CNTN3: variants seen among roughly 807,000 people sequenced by gnomAD.
CNTN3 encodes contactin 3, also known as contactin-3.
CNTN3 carries 60 observed loss-of-function variants against 119.1 expected under a neutral mutation model. The observed-to-expected ratio is 0.50, with a 90% CI of 0.41 to 0.62. The LOEUF (loss-of-function observed/expected upper bound fraction) is 0.62. Ranked by LOEUF, CNTN3 falls within the 20% of genes least tolerant of loss-of-function variation. CNTN3 has a pLI of 0.00. For synonymous variants in CNTN3, 450 were observed against 438.7 expected (o/e 1.03, Z -0.32); for missense variants, 1,101 against 1,242.4 (o/e 0.89, Z 1.71).
intron 2 of CNTN3, among the ~76,000 whole-genome samples, chr3:74,520,567 C>A (rs978803729): frequency 4.0e-5 from 6 of 150,106 alleles, no homozygotes; most frequent in African/African-American, 1.2e-4. Context: ...TTCATTTTTT[C>A]TTTCTACTTT....
chr3:74,461,072 C>T (rs1702358762), intron 4 of CNTN3, among the ~76,000 whole-genome samples: 1 of 151,640 alleles, frequency 6.6e-6, no homozygotes, highest in South Asian at 2.1e-4. Flanking sequence ...TGAATTTTAT[C>T]AAAGGCTTTT....
At chr3:74,508,776 C>A (rs942613646) in intron 2 of CNTN3, among the ~76,000 whole-genome samples, 2 of 152,124 alleles carry the variant, frequency 1.3e-5, no homozygotes, top group East Asian at 1.9e-4. Flanking sequence ...GGGTTCTTAT[C>A]CCCAATTTGA....
chr3:74,306,844 G>A (rs570200965), intron 13 of CNTN3, among the ~76,000 whole-genome samples: 1 of 152,242 alleles, frequency 6.6e-6, no homozygotes, highest in Non-Finnish European at 1.5e-5. Context: ...TACTTTAGTT[G>A]CTGGGAATAC....
intron 5 of CNTN3, among the ~76,000 whole-genome samples, chr3:74,421,769 C>T (rs1701619666): frequency 6.6e-6 from 1 of 152,146 alleles, no homozygotes; most frequent in Non-Finnish European, 1.5e-5. Flanking sequence ...TCTGATTAAT[C>T]CTTCATCAGT....
intron 4 of CNTN3, among the ~76,000 whole-genome samples, chr3:74,459,044 GA>G (rs1159084505): frequency 1.3e-5 from 2 of 152,126 alleles, no homozygotes; most frequent in East Asian, 3.9e-4. Context: ...TGCTTCATGT[GA>G]AGTTTGGCTG....
chr3:74,405,360 A>C (rs1705298693), intron 5 of CNTN3, among the ~76,000 whole-genome samples: 1 of 152,128 alleles, frequency 6.6e-6, no homozygotes, highest in African/African-American at 2.4e-5. Context: ...TACATGGATC[A>C]ATTTTTTGAT....
At chr3:74,493,685 A>C (rs1703007928) in intron 3 of CNTN3, among the ~76,000 whole-genome samples, 1 of 152,172 alleles carries the variant, frequency 6.6e-6, no homozygotes, top group South Asian at 2.1e-4. Flanking sequence ...GTTAATAAGC[A>C]AATGTGTCTG....
intron 1 of CNTN3, among the ~76,000 whole-genome samples, chr3:74,597,658 T>G (rs1704835420): frequency 6.6e-6 from 1 of 152,206 alleles, no homozygotes; most frequent in South Asian, 2.1e-4. Context: ...ATGGAAATTT[T>G]AAAGCCAATC....
At chr3:74,549,695 G>T (rs1172941632) in intron 1 of CNTN3, among the ~76,000 whole-genome samples, 2 of 152,126 alleles carry the variant, frequency 1.3e-5, no homozygotes, top group East Asian at 1.9e-4. Context: ...GGGACACAAA[G>T]GTTGCCAGTG....
chr3:74,486,433 TA>T, intron 4 of CNTN3, 22 bp downstream of exon 4: 1 of 1,560,632 alleles, frequency 6.4e-7, no homozygotes, highest in Non-Finnish European at 8.6e-7. Flanking sequence ...TTGGATTTGC[TA>T]GACATGTGAA....
rs577304558 is a variant in CNTN3, at chr3:74,613,218, T to C, written c.-81+1173A>G. On this transcript the variant is annotated intron_variant, in intron 1 of 22. Coordinates refer to ENST00000263665, the MANE Select transcript of CNTN3 (RefSeq NM_020872.3). Reference sequence around the variant, plus strand: ...CAGGATTCTTTTTCAGCTAGTGTGATATTCATCTCTGTGGGGGTAGACAGA... The same window carrying C: ...CAGGATTCTTTTTCAGCTAGTGTGACATTCATCTCTGTGGGGGTAGACAGA... Among the ~76,000 whole-genome samples the C allele has an allele frequency of 1.8e-4, 27 of 152,262 alleles. No individual in the cohort carries two copies. The South Asian group carries it at 4.4e-3, about 25-fold the overall frequency.
At chr3:74,553,775 T>C (rs965317010) in intron 1 of CNTN3, among the ~76,000 whole-genome samples, 5 of 152,230 alleles carry the variant, frequency 3.3e-5, no homozygotes, top group African/African-American at 1.2e-4. Context: ...TTGGTTTTTT[T>C]CTTGTAAATT....
intron 4 of CNTN3, among the ~76,000 whole-genome samples, chr3:74,451,084 G>A (rs1311977277): frequency 2.0e-5 from 3 of 151,970 alleles, no homozygotes; most frequent in Non-Finnish European, 2.9e-5. Context: ...CTGAGGAATC[G>A]CCACACTGAC....
chr3:74,583,125 T>A (rs909949340), intron 1 of CNTN3, among the ~76,000 whole-genome samples: 1 of 152,052 alleles, frequency 6.6e-6, no homozygotes, highest in Non-Finnish European at 1.5e-5. Context: ...CGGCTGTCAG[T>A]AGTTGTTTGG....
At chr3:74,317,157 A>T in intron 13 of CNTN3, among the ~76,000 whole-genome samples, 2 of 135,154 alleles carry the variant, frequency 1.5e-5, no homozygotes, top group African/African-American at 2.7e-5. Flanking sequence ...TAGGATTGCA[A>T]CCCCTGCCTT....
rs988247780 is a variant in CNTN3, at chr3:74,614,582, C to T, written c.-272G>A. 6.7e-6 allele frequency among the ~76,000 whole-genome samples: 1 copy of T among 148,706 alleles called. No homozygotes were observed. ...CGGTTCCCGGCCCAGTCCACGGCGC[C>T]AGCCCGCCCGCCGCTGCCACCGCCG... is the stretch of plus-strand genomic sequence containing the variant. On this transcript the variant is annotated 5_prime_UTR_variant, in exon 1 of 23. Coordinates refer to ENST00000263665, the MANE Select transcript of CNTN3 (RefSeq NM_020872.3).
chr3:74,494,152 C>T (rs1003049987), intron 3 of CNTN3, among the ~76,000 whole-genome samples: 1 of 152,024 alleles, frequency 6.6e-6, no homozygotes, highest in African/African-American at 2.4e-5. Context: ...AGCAGCCCTC[C>T]TCATACGAAC....
intron 1 of CNTN3, among the ~76,000 whole-genome samples, chr3:74,589,923 C>A (rs910327040): frequency 2.3e-5 from 3 of 128,048 alleles, no homozygotes; most frequent in Non-Finnish European, 4.7e-5. Flanking sequence ...CACATGGACA[C>A]AGGAAGGGGA....
chr3:74,459,087 T>C (rs938142283), intron 4 of CNTN3, among the ~76,000 whole-genome samples: 3 of 152,050 alleles, frequency 2.0e-5, no homozygotes, highest in Non-Finnish European at 4.4e-5. Flanking sequence ...GTTCCACATA[T>C]ATTCCAGACT....
Sources: gnomAD v4.1 joint callset for allele counts (sites outside exome capture counted in the v4.1 genomes callset) on GRCh38, gnomAD v4.1.1 for gene constraint, MANE v1.5 for transcripts, NCBI Gene and HGNC (gene_info 2026-07-23, HGNC 2026-07-21) for gene names.